PRR5L: variants seen among roughly 807,000 people sequenced by gnomAD.
The protein encoded by PRR5L is proline rich 5 like.
PRR5L carries 21 observed loss-of-function variants against 36.4 expected under a neutral mutation model. The observed-to-expected ratio is 0.58, with a 90% CI of 0.41 to 0.83. PRR5L has a LOEUF of 0.83. Ranked by LOEUF, PRR5L falls within the 40% of genes least tolerant of loss-of-function variation. The probability of loss-of-function intolerance (pLI) is 0.00; values close to 1 mark genes in which losing one functional copy is unlikely to be tolerated. For synonymous variants in PRR5L, 188 were observed against 197.0 expected (o/e 0.95, Z 0.38); for missense variants, 381 against 473.3 (o/e 0.80, Z 1.81).
intron 1 of PRR5L, among the ~76,000 whole-genome samples, chr11:36,349,058 G>A (rs1471706211): frequency 6.6e-6 from 1 of 152,142 alleles, no homozygotes; most frequent in Non-Finnish European, 1.5e-5. Flanking sequence ...ACGAAGGTGA[G>A]CGAATCACTT....
At chr11:36,400,735 C>A in intron 1 of PRR5L, among the ~76,000 whole-genome samples, 1 of 152,186 alleles carries the variant, frequency 6.6e-6, no homozygotes, top group Non-Finnish European at 1.5e-5. Flanking sequence ...CAGAGTCTAG[C>A]ACAGCTTAGA....
At chr11:36,447,623 C>T (rs1027897040) in intron 7 of PRR5L, among the ~76,000 whole-genome samples, 3 of 152,182 alleles carry the variant, frequency 2.0e-5, no homozygotes, top group Non-Finnish European at 4.4e-5. Flanking sequence ...TAGTGATGAC[C>T]CCTTGCTGCC....
chr11:36,329,646 G>T (rs1325646603), intron 1 of PRR5L, among the ~76,000 whole-genome samples: 1 of 152,160 alleles, frequency 6.6e-6, no homozygotes, highest in Admixed American at 6.6e-5. Flanking sequence ...CAGCAAAAAT[G>T]GTAATTGACC....
intron 1 of PRR5L, among the ~76,000 whole-genome samples, chr11:36,340,721 CT>C (rs1253204894): frequency 6.6e-6 from 1 of 152,188 alleles, no homozygotes; most frequent in Admixed American, 6.5e-5. Context: ...GAAACTGCCC[CT>C]GCCCCCTGTG....
rs149325944 is a variant in PRR5L at position 36,442,635 on chromosome 11, C to T, written c.445-3665C>T. 4.6e-3 allele frequency among the ~76,000 whole-genome samples: 624 copies of T among 135,598 alleles called. 13 individuals carry two copies. The East Asian group carries it at 0.054, about 12-fold the overall frequency. 89.0% of individuals were successfully genotyped at this position (135,598 alleles called of 152,430 possible). A position where few individuals can be genotyped will look rare whatever the true frequency, so the allele number is the denominator to read the frequency against. ...GATTACAAGTGTGAGCTACTGTGCCCGCCCTAGAAATTTATTTTACCAGAT... is the reference window on the plus strand; with the variant it reads ...GATTACAAGTGTGAGCTACTGTGCCTGCCCTAGAAATTTATTTTACCAGAT... On this transcript the variant is annotated intron_variant, in intron 6 of 8. Coordinates refer to ENST00000530639, the MANE Select transcript of PRR5L (RefSeq NM_001160167.2).
intron 1 of PRR5L, among the ~76,000 whole-genome samples, chr11:36,385,853 A>G (rs10836545): frequency 0.12 from 17,902 of 152,228 alleles, 1,284 homozygotes; most frequent in East Asian, 0.28. Context: ...AGGATTGCTC[A>G]CCCATGTGGT....
intron 1 of PRR5L, among the ~76,000 whole-genome samples, chr11:36,318,370 T>C (rs1856579262): frequency 6.6e-6 from 1 of 152,190 alleles, no homozygotes; most frequent in Admixed American, 6.5e-5. Context: ...TTACACCATA[T>C]TGCTTGTAAC....
chr11:36,338,434 C>T (rs546908098), intron 1 of PRR5L, among the ~76,000 whole-genome samples: 17 of 152,300 alleles, frequency 1.1e-4, no homozygotes, highest in Admixed American at 9.2e-4. Flanking sequence ...TGACTTCTGA[C>T]GTGGCACTCT....
chr11:36,420,014 G>A (rs1858229655), intron 4 of PRR5L, among the ~76,000 whole-genome samples: 1 of 152,222 alleles, frequency 6.6e-6, no homozygotes, highest in South Asian at 2.1e-4. Flanking sequence ...AAGCTAGTGA[G>A]TTTAAGGTTC....
At chr11:36,400,953 T>A (rs1857779424) in intron 1 of PRR5L, 44 bp from the exon 2 acceptor site, 4 of 1,393,710 alleles carry the variant, frequency 2.9e-6, no homozygotes, top group Non-Finnish European at 2.8e-6. Context: ...TAAGAGGTGT[T>A]CTCAGGCCAG....
intron 1 of PRR5L, among the ~76,000 whole-genome samples, chr11:36,302,523 C>T (rs1487654466): frequency 6.6e-6 from 1 of 151,928 alleles, no homozygotes; most frequent in East Asian, 1.9e-4. Flanking sequence ...CGGGGGCTCA[C>T]ACCTGTTATC....
intron 1 of PRR5L, among the ~76,000 whole-genome samples, chr11:36,363,397 T>TG (rs1338440680): frequency 6.6e-6 from 1 of 152,236 alleles, no homozygotes; most frequent in African/African-American, 2.4e-5. Context: ...CCAGATTAGC[T>TG]GGGGACAGAT....
chr11:36,429,091 G>C (rs534859443), intron 4 of PRR5L, among the ~76,000 whole-genome samples: 1 of 152,072 alleles, frequency 6.6e-6, no homozygotes, highest in East Asian at 1.9e-4. Context: ...GAAGGGAGAA[G>C]ACCTAGAAAG....
At chr11:36,419,100 C>T (rs1290056067) in intron 3 of PRR5L, among the ~76,000 whole-genome samples, 155 bp from the exon 4 acceptor site, 1 of 152,096 alleles carries the variant, frequency 6.6e-6, no homozygotes, top group Non-Finnish European at 1.5e-5. Flanking sequence ...ACTGCAATTC[C>T]ATGATAACAA....
At chr11:36,319,332 C>G (rs1391896262) in intron 1 of PRR5L, among the ~76,000 whole-genome samples, 5 of 152,192 alleles carry the variant, frequency 3.3e-5, no homozygotes, top group Admixed American at 2.6e-4. Context: ...ATAGAGCTAA[C>G]ACAAGGAAGA....
At chr11:36,345,799 G>A (rs373969544) in intron 1 of PRR5L, among the ~76,000 whole-genome samples, 1 of 152,216 alleles carries the variant, frequency 6.6e-6, no homozygotes, top group African/African-American at 2.4e-5. Context: ...GATGCTCCGG[G>A]AAAAGCTCTG....
intron 6 of PRR5L, among the ~76,000 whole-genome samples, chr11:36,439,018 A>G (rs1858665317): frequency 6.6e-6 from 1 of 152,226 alleles, no homozygotes; most frequent in Admixed American, 6.5e-5. Flanking sequence ...ACATATTTAT[A>G]CTGAAAAACT....
intron 1 of PRR5L, among the ~76,000 whole-genome samples, chr11:36,378,808 T>C (rs1857320748): frequency 6.6e-6 from 1 of 152,208 alleles, no homozygotes; most frequent in South Asian, 2.1e-4. Flanking sequence ...AACAATGATA[T>C]AGGTACTATT....
intron 3 of PRR5L, among the ~76,000 whole-genome samples, chr11:36,414,768 A>G (rs1858105262): frequency 6.8e-6 from 1 of 147,818 alleles, no homozygotes; most frequent in Non-Finnish European, 1.5e-5. Flanking sequence ...TTTGGTGTTC[A>G]GACATGAAGT....
Sources: gnomAD v4.1 joint callset for allele counts (sites outside exome capture counted in the v4.1 genomes callset) on GRCh38, gnomAD v4.1.1 for gene constraint, MANE v1.5 for transcripts, NCBI Gene and HGNC (gene_info 2026-07-23, HGNC 2026-07-21) for gene names.